Variants in ZAR1L observed in about 807,000 individuals in gnomAD.
ZAR1L encodes the protein zygote arrest 1 like.
ZAR1L carries 16 observed loss-of-function variants against 30.0 expected under a neutral mutation model. That is an observed-to-expected ratio of 0.53 (90% CI 0.36 to 0.81). The LOEUF is 0.81. Among genes scored for constraint, ZAR1L ranks in the 30% least tolerant of loss-of-function variants. ZAR1L has a pLI of 0.00. For missense variants in ZAR1L, 392 were observed against 417.2 expected (o/e 0.94, Z 0.53); for synonymous variants, 197 against 166.8 (o/e 1.18, Z -1.40).
In ZAR1L at chr13:32,311,478, C is replaced by T; in HGVS notation, c.448G>A (p.Asp150Asn). ...GGGAGCGCCTTGCTCTCCGCTTCGTCCCCATCTCTCCGCAGGCGGATCAAG... is the reference window on the plus strand; with the variant it reads ...GGGAGCGCCTTGCTCTCCGCTTCGTTCCCATCTCTCCGCAGGCGGATCAAG... The part of the protein sequence containing the change: ...RGLIRLRRDG[D>N]EAESKALPGP... The change falls in exon 3 of 6, where the codon GAC becomes AAC. Residue 150 changes from aspartate (D) to asparagine (N), a missense_variant. Transcript: ENST00000533490. The T allele has an allele frequency of 6.5e-7, 1 of 1,546,096 alleles. No individual in the cohort carries two copies. The highest frequency in any genetic ancestry group is 8.7e-7 in the Non-Finnish European group (1 of 1,146,580).
At chr13:32,307,719 T>C (rs866941560) in intron 5 of ZAR1L, among the ~76,000 whole-genome samples, 2 of 152,036 alleles carry the variant, frequency 1.3e-5, no homozygotes, top group South Asian at 4.2e-4. Flanking sequence ...AGTAGTTATA[T>C]TGAACATCAT....
chr13:32,315,205 T>C (rs1460434907), intron 1 of ZAR1L, 110 bp downstream of exon 1: 1 of 152,260 alleles, frequency 6.6e-6, no homozygotes, highest in East Asian at 1.9e-4. Flanking sequence ...CACCCAAACA[T>C]GAGCTGGAGC....
intron 4 of ZAR1L, among the ~76,000 whole-genome samples, chr13:32,310,225 T>C (rs2858214): frequency 1 from 152,410 of 152,410 alleles, 76,205 homozygotes; most frequent in Non-Finnish European, 1. Context: ...CAAAAGAAAC[T>C]TTAGGCGTAG....
In ZAR1L at chr13:32,312,058, T is replaced by A; in HGVS notation, c.-133A>T. 1 of 1,059,306 alleles carries A rather than the reference T, an allele frequency of 9.4e-7. No homozygotes were observed. The highest frequency in any genetic ancestry group is 1.3e-6 in the Non-Finnish European group (1 of 757,628). The allele number at this position is 1,059,306 out of a possible 1,614,324, so 65.6% of individuals were successfully genotyped here. A position where few individuals can be genotyped will look rare whatever the true frequency, so the allele number is the denominator to read the frequency against. On this transcript the variant is annotated 5_prime_UTR_variant, in exon 3 of 6. Transcript: ENST00000533490. ...CAGATTCATTCCTGGCTTCTCCATT[T>A]ATTTCAGATTCTAATGGGAGCTGCT... is the stretch of plus-strand genomic sequence containing the variant.
chr13:32,311,403 C>T lies in ZAR1L; in HGVS notation c.523G>A (p.Ala175Thr). The change falls in exon 3 of 6, where the codon GCT becomes ACT. Residue 175 changes from alanine to threonine, a missense_variant. Coordinates refer to ENST00000533490, the MANE Select transcript of ZAR1L (RefSeq NM_001136571.2). ...TGCCCGGGCTCCTCCTGCCTGTCAG[C>T]TCCTGACCTCCGTGATGGTGGCTGC... Reference protein sequence around the residue: ...QPQPPSRRSGADRQEEPGQLE... With the variant: ...QPQPPSRRSGTDRQEEPGQLE... The T allele has an allele frequency of 6.4e-7, 1 of 1,550,434 alleles. No homozygotes were observed. Among genetic ancestry groups the T allele is most frequent in the South Asian group, 1.2e-5 (1 of 84,070 alleles).
intron 5 of ZAR1L, among the ~76,000 whole-genome samples, chr13:32,307,032 GC>G (rs2072181173): frequency 6.6e-6 from 1 of 150,718 alleles, no homozygotes; most frequent in African/African-American, 2.4e-5. Flanking sequence ...AAGGAAAGTG[GC>G]CCTAGAAACA....
In ZAR1L at chr13:32,311,540, G is replaced by C; in HGVS notation, c.386C>G (p.Ala129Gly). The C allele has an allele frequency of 6.5e-7, 1 of 1,534,232 alleles. No individual in the cohort carries two copies. Among genetic ancestry groups the C allele is most frequent in the Non-Finnish European group, 8.8e-7 (1 of 1,139,596 alleles). Residue 129 changes from alanine to glycine, a missense_variant, in exon 3 of 6, where the codon GCC becomes GGC. Physicochemically the swap from Ala to Gly is moderately conservative, Grantham distance 60 (BLOSUM62 0). Coordinates refer to ENST00000533490, the MANE Select transcript of ZAR1L (RefSeq NM_001136571.2). Reference protein sequence around the residue: ...DGRDPQEPLPACGVTSPATGR... With the variant: ...DGRDPQEPLPGCGVTSPATGR... ...GGTGGCGGGCGAAGTGACCCCACAG[G>C]CTGGCAGGGGCTCCTGGGGGTCTCT...
chr13:32,311,789 C>T lies in ZAR1L; in HGVS notation c.137G>A (p.Arg46Lys). The change falls in exon 3 of 6, where the codon AGG becomes AAG. Residue 46 changes from arginine (R) to lysine (K), a missense_variant. Transcript: ENST00000533490. ...QNMGPPTFLA[R>K]PGLLVPANAP... is the part of the protein sequence containing the mutation. ...GTTCGCGGGCACCAGCAGCCCTGGC[C>T]TGGCCAGAAAAGTGGGAGGACCCAT... is the stretch of plus-strand genomic sequence containing the variant. The T allele has an allele frequency of 6.4e-7, 1 of 1,551,694 alleles. No individual in the cohort carries two copies. The highest frequency in any genetic ancestry group is 8.7e-7 in the Non-Finnish European group (1 of 1,147,006).
intron 5 of ZAR1L, among the ~76,000 whole-genome samples, chr13:32,305,142 C>T (rs187692524): frequency 6.6e-6 from 1 of 152,154 alleles, no homozygotes; most frequent in Admixed American, 6.5e-5. Context: ...TGAAAATAGA[C>T]ATTTTTATTC....
chr13:32,312,880 TCAAA>T (rs564744457), intron 2 of ZAR1L, among the ~76,000 whole-genome samples: 11 of 151,906 alleles, frequency 7.2e-5, no homozygotes, highest in African/African-American at 2.4e-4. Context: ...AGACTCCGTC[TCAAA>T]CAAACAAACA....
At chr13:32,308,789 C>T in intron 4 of ZAR1L, 29 bp from the exon 5 acceptor site, 1 of 1,462,386 alleles carries the variant, frequency 6.8e-7, no homozygotes, top group Non-Finnish European at 9.3e-7. Flanking sequence ...TTTTTTAATA[C>T]AAGCTTTTAT....
chr13:32,305,463 T>A, intron 5 of ZAR1L, among the ~76,000 whole-genome samples: 1 of 152,128 alleles, frequency 6.6e-6, no homozygotes. Context: ...CCTGACCTCG[T>A]GATCCACCCG....
intron 5 of ZAR1L, among the ~76,000 whole-genome samples, chr13:32,308,064 G>T (rs1046405535): frequency 2.0e-5 from 3 of 152,186 alleles, no homozygotes; most frequent in Non-Finnish European, 2.9e-5. Context: ...GCCTCCCAAA[G>T]TGCTGGGATT....
Position 32,311,347 on chromosome 13 carries a change from C to G in ZAR1L, c.579G>C (p.Pro193=). The G allele has an allele frequency of 6.4e-7, 1 of 1,550,986 alleles. No individual in the cohort carries two copies. Among genetic ancestry groups the G allele is most frequent in the Non-Finnish European group, 8.7e-7 (1 of 1,146,972 alleles). ...GCTTGCTCTTCGTCTCCTGAGGGCA[C>G]GGGGCGTCTTTCTCCCCCGATTCCT... The part of the protein sequence containing the change: ...QLEESGEKDA[P]CPQETKSKQV... The change falls in exon 3 of 6, where the codon CCG becomes CCC. Residue 193 remains proline (P), a synonymous_variant. Coordinates refer to ENST00000533490, the MANE Select transcript of ZAR1L (RefSeq NM_001136571.2).
At position 32,303,970 on chromosome 13, in the gene ZAR1L, A is replaced by G. The variant is rs1323755728; in HGVS notation, c.875T>C (p.Leu292Pro). ...CAGTTCCTGTCGATGAGGCCTCCTTAGATCAATGTGTCTCTTCTTTTGAGG... is the reference window on the plus strand; with the variant it reads ...CAGTTCCTGTCGATGAGGCCTCCTTGGATCAATGTGTCTCTTCTTTTGAGG... The part of the protein sequence containing the change: ...SCPQKKRHID[L>P]RRPHRQELCG... The change falls in exon 6 of 6, where the codon CTA (leucine) becomes CCA (proline). Residue 292 changes from leucine to proline, a missense_variant. Coordinates refer to ENST00000533490, the MANE Select transcript of ZAR1L (RefSeq NM_001136571.2). 2 of 1,552,052 alleles carry G rather than the reference A, an allele frequency of 1.3e-6. No homozygotes were observed. Among genetic ancestry groups the G allele is most frequent in the African/African-American group, 2.7e-5 (2 of 73,054 alleles).
At chr13:32,307,834 G>A (rs967076376) in intron 5 of ZAR1L, among the ~76,000 whole-genome samples, 2 of 152,088 alleles carry the variant, frequency 1.3e-5, no homozygotes, top group African/African-American at 4.8e-5. Flanking sequence ...ATGGAGTCTT[G>A]CTCTGTTGCC....
Position 32,311,374 on chromosome 13 carries a change from C to A in ZAR1L, c.552G>T (p.Leu184=). Residue 184 remains leucine, a synonymous_variant, in exon 3 of 6, where the codon CTG becomes CTT. Transcript: ENST00000533490. ...GADRQEEPGQ[L]EESGEKDAPC... is the part of the protein sequence containing the mutation. ...GGGCGTCTTTCTCCCCCGATTCCTCCAGCTGCCCGGGCTCCTCCTGCCTGT... is the reference window on the plus strand; with the variant it reads ...GGGCGTCTTTCTCCCCCGATTCCTCAAGCTGCCCGGGCTCCTCCTGCCTGT... 1 of 1,550,884 alleles carries A rather than the reference C, an allele frequency of 6.4e-7. No homozygotes were observed. Among genetic ancestry groups the A allele is most frequent in the African/African-American group, 1.4e-5 (1 of 73,180 alleles).
intron 2 of ZAR1L, among the ~76,000 whole-genome samples, chr13:32,313,462 G>T (rs914811780): frequency 2.0e-4 from 30 of 152,226 alleles, no homozygotes; most frequent in Admixed American, 3.3e-4. Flanking sequence ...CGCCTCTGGG[G>T]TTCAAGTGAT....
chr13:32,309,909 C>T (rs1237731732), intron 4 of ZAR1L, among the ~76,000 whole-genome samples: 1 of 152,232 alleles, frequency 6.6e-6, no homozygotes, highest in Admixed American at 6.5e-5. Flanking sequence ...AACTCAATGC[C>T]TTTTTGCCCT....
Sources: allele counts gnomAD v4.1 joint callset (sites outside exome capture counted in the v4.1 genomes callset), GRCh38; gene constraint gnomAD v4.1.1; transcripts MANE v1.5; gene names NCBI Gene and HGNC (gene_info 2026-07-23, HGNC 2026-07-21).